Variants in IGFBP7 observed in about 807,000 individuals in gnomAD.
IGFBP7 encodes insulin like growth factor binding protein 7, also known as insulin-like growth factor-binding protein 7.
IGFBP7 carries 31 observed loss-of-function variants against 29.4 expected under a neutral mutation model. The ratio of observed to expected loss-of-function variants is 1.05; its 90% confidence interval spans 0.79 to 1.42. IGFBP7 has a LOEUF of 1.42. Ranked by LOEUF, IGFBP7 falls within the 40% of genes most tolerant of loss-of-function variation. The probability of loss-of-function intolerance (pLI) is 0.00; values close to 1 mark genes in which losing one functional copy is unlikely to be tolerated. For missense variants in IGFBP7, 393 were observed against 395.5 expected, an observed-to-expected ratio of 0.99 and a Z score of 0.05; for synonymous variants, 172 against 174.9, an observed-to-expected ratio of 0.98 and a Z score of 0.13.
At chr4:57,036,441 T>A (rs1724087004) in intron 2 of IGFBP7, among the ~76,000 whole-genome samples, 1 of 152,208 alleles carries the variant, frequency 6.6e-6, no homozygotes, top group African/African-American at 2.4e-5. Context: ...TGAAGAAATA[T>A]TCAGGCAAGA....
In IGFBP7 at chr4:57,032,568, G is replaced by A; in HGVS notation, c.703-16C>T. ...GAGGAGATACCTGTGAAAGAAAAAA[G>A]ATCTAGTATTCCTCTGTGGTGGTCT... is the stretch of plus-strand genomic sequence containing the variant. On this transcript the variant is annotated splice_polypyrimidine_tract_variant and intron_variant, in intron 3 of 4. Transcript: ENST00000295666. The A allele has an allele frequency of 6.3e-7, 1 of 1,585,992 alleles. No individual in the cohort carries two copies. Among genetic ancestry groups the A allele is most frequent in the Non-Finnish European group, 8.7e-7 (1 of 1,154,322 alleles).
chr4:57,068,201 A>C (rs897876764), intron 1 of IGFBP7, among the ~76,000 whole-genome samples: 2 of 151,680 alleles, frequency 1.3e-5, no homozygotes, highest in African/African-American at 4.9e-5. Flanking sequence ...GAGGTGGGAG[A>C]ATCGCTTGAG....
At chr4:57,061,112 A>G (rs1303363341) in intron 1 of IGFBP7, among the ~76,000 whole-genome samples, 1 of 152,086 alleles carries the variant, frequency 6.6e-6, no homozygotes, top group Non-Finnish European at 1.5e-5. Flanking sequence ...TGAAAGAGGA[A>G]ATGGGCTTTC....
intron 1 of IGFBP7, among the ~76,000 whole-genome samples, chr4:57,104,727 G>A (rs1274831249): frequency 6.6e-6 from 1 of 152,122 alleles, no homozygotes; most frequent in African/African-American, 2.4e-5. Context: ...ATTTTACTCG[G>A]CAAGGGGATA....
chr4:57,046,991 G>A (rs1724377113), intron 1 of IGFBP7, among the ~76,000 whole-genome samples: 1 of 152,148 alleles, frequency 6.6e-6, no homozygotes, highest in African/African-American at 2.4e-5. Flanking sequence ...CTCTCGCTCA[G>A]TAACTTTAGA....
intron 1 of IGFBP7, among the ~76,000 whole-genome samples, chr4:57,074,396 C>T (rs1000780145): frequency 1.3e-5 from 2 of 152,180 alleles, no homozygotes; most frequent in Admixed American, 1.3e-4. Flanking sequence ...AAAAACATTC[C>T]CCCCACCCAC....
chr4:57,066,772 G>A (rs1394924854), intron 1 of IGFBP7, among the ~76,000 whole-genome samples: 2 of 151,644 alleles, frequency 1.3e-5, no homozygotes, highest in Non-Finnish European at 2.9e-5. Flanking sequence ...CATGTTGGTA[G>A]GGCTGGTTTC....
At chr4:57,072,417 C>T (rs1275531966) in intron 1 of IGFBP7, among the ~76,000 whole-genome samples, 1 of 152,096 alleles carries the variant, frequency 6.6e-6, no homozygotes, top group Non-Finnish European at 1.5e-5. Context: ...CCTGTGGTCC[C>T]AGCTACTTAG....
intron 1 of IGFBP7, among the ~76,000 whole-genome samples, chr4:57,087,815 G>A (rs1725533204): frequency 6.6e-6 from 1 of 152,194 alleles, no homozygotes; most frequent in Admixed American, 6.5e-5. Context: ...AGACAACAGA[G>A]GGACAAAGAG....
chr4:57,072,116 A>G (rs1442772675), intron 1 of IGFBP7, among the ~76,000 whole-genome samples: 1 of 152,004 alleles, frequency 6.6e-6, no homozygotes, highest in Non-Finnish European at 1.5e-5. Context: ...TCAGTACTCG[A>G]TAGTTATCTT....
chr4:57,066,901 C>T (rs1724932826), intron 1 of IGFBP7, among the ~76,000 whole-genome samples: 1 of 151,564 alleles, frequency 6.6e-6, no homozygotes, highest in South Asian at 2.1e-4. Context: ...CTGAATAATA[C>T]AACATCTTTG....
intron 1 of IGFBP7, among the ~76,000 whole-genome samples, chr4:57,058,151 A>C (rs1724716849): frequency 6.6e-6 from 1 of 152,198 alleles, no homozygotes; most frequent in African/African-American, 2.4e-5. Context: ...AGGAATAATA[A>C]TTCCATAAAT....
chr4:57,076,051 A>T (rs1409999593), intron 1 of IGFBP7, among the ~76,000 whole-genome samples: 2 of 152,186 alleles, frequency 1.3e-5, no homozygotes, highest in Admixed American at 6.5e-5. Context: ...TAAGCATCTG[A>T]AGTGTATTGA....
chr4:57,040,233 T>C (rs1396328344), intron 2 of IGFBP7, among the ~76,000 whole-genome samples: 2 of 152,102 alleles, frequency 1.3e-5, no homozygotes, highest in African/African-American at 4.8e-5. Context: ...ACTTAGGGAA[T>C]CTGAAAAAAT....
At chr4:57,078,942 C>T (rs1276788397) in intron 1 of IGFBP7, among the ~76,000 whole-genome samples, 3 of 152,200 alleles carry the variant, frequency 2.0e-5, no homozygotes, top group African/African-American at 7.2e-5. Context: ...TGAGCTGGCT[C>T]CCGTCCACAG....
intron 1 of IGFBP7, among the ~76,000 whole-genome samples, chr4:57,060,678 G>A (rs1366500849): frequency 6.6e-6 from 1 of 152,190 alleles, no homozygotes; most frequent in Non-Finnish European, 1.5e-5. Flanking sequence ...GGGAGGCTGA[G>A]GTGGGAGGAT....
chr4:57,110,019 G>T lies in IGFBP7; in HGVS notation c.333C>A (p.Cys111Ter). The change falls in exon 1 of 5, where the codon TGC becomes TGA. Residue 111 changes from cysteine (C) to a stop codon, truncating the protein, a stop_gained. Transcript: ENST00000295666. LOFTEE classifies it high-confidence loss of function. Reference sequence around the variant, plus strand: ...ACACCGGGTAGCGGCTCTTGCACACGCACACGCCGCTTACACCCGGACCGC... The same window carrying T: ...ACACCGGGTAGCGGCTCTTGCACACTCACACGCCGCTTACACCCGGACCGC... Reference protein sequence around the residue: ...AAGGPGVSGVCVCKSRYPVCG... With the variant: ...AAGGPGVSGV The T allele has an allele frequency of 6.4e-7, 1 of 1,552,578 alleles. No individual in the cohort carries two copies. The highest frequency in any genetic ancestry group is 8.7e-7 in the Non-Finnish European group (1 of 1,155,196).
chr4:57,082,809 T>C (rs961061989), intron 1 of IGFBP7, among the ~76,000 whole-genome samples: 1 of 152,194 alleles, frequency 6.6e-6, no homozygotes, highest in Non-Finnish European at 1.5e-5. Context: ...GCTTTAAATT[T>C]TTTTTAAAGT....
intron 2 of IGFBP7, among the ~76,000 whole-genome samples, chr4:57,038,007 C>G (rs907570374): frequency 6.6e-6 from 1 of 152,180 alleles, no homozygotes; most frequent in African/African-American, 2.4e-5. Context: ...CATAACTGAT[C>G]GGGGTGAAAT....
Sources: allele counts gnomAD v4.1 joint callset (sites outside exome capture counted in the v4.1 genomes callset), GRCh38; gene constraint gnomAD v4.1.1; transcripts MANE v1.5; gene names NCBI Gene and HGNC (gene_info 2026-07-23, HGNC 2026-07-21).